ARAP1: variants seen among roughly 807,000 people sequenced by gnomAD.
The protein encoded by ARAP1 is arf-GAP with Rho-GAP domain, ANK repeat and PH domain-containing protein 1.
A neutral mutation model predicts 172.2 loss-of-function variants in ARAP1; 76 were observed. That is an observed-to-expected ratio of 0.44 (90% CI 0.37 to 0.53). The LOEUF (loss-of-function observed/expected upper bound fraction) is 0.53, where lower values mean the gene tolerates loss of function less well. Ranked by LOEUF, ARAP1 falls within the 20% of genes least tolerant of loss-of-function variation. The pLI is 0.00. For missense variants in ARAP1, 1,686 were observed against 1,977.5 expected, an observed-to-expected ratio of 0.85 and a Z score of 2.80; for synonymous variants, 804 against 803.3, an observed-to-expected ratio of 1.00 and a Z score of -0.01.
chr11:72,695,184 A>G lies in ARAP1; in HGVS notation c.3577-87T>C. 6.9e-7 allele frequency: 1 copy of G among 1,451,850 alleles called. No individual in the cohort carries two copies. Among genetic ancestry groups the G allele is most frequent in the Non-Finnish European group, 9.6e-7 (1 of 1,044,872 alleles). The allele number at this position is 1,451,850 out of a possible 1,614,324, so 89.9% of individuals were successfully genotyped here. On this transcript the variant is annotated intron_variant, in intron 26 of 34. Transcript: ENST00000393609. This position sits in a 1 kb window ranked among gnomAD's most constrained non-coding sequence, Gnocchi z 4.4. ...GCTATGTGACTCAGAGCCTGAGCCC[A>G]TCCTTCTCAGGCCCTTCTGGAGTCC... is the stretch of plus-strand genomic sequence containing the variant.
rs571501501 is a variant in ARAP1 at position 72,721,896 on chromosome 11, G to A, written c.509+4724C>T. On this transcript the variant is annotated intron_variant, in intron 3 of 34. Coordinates refer to ENST00000393609, the MANE Select transcript of ARAP1 (RefSeq NM_001040118.3). ...TGGGGCTGAGGACTCCCACAGCTCC[G>A]GCCAGGCGGGCTGCGTATGCCCAAG... 85 of 985,796 alleles carry A rather than the reference G, an allele frequency of 8.6e-5. No homozygotes were observed. In the East Asian group the frequency reaches 1.4e-3, roughly 16 times the overall value. The allele number at this position is 985,796 out of a possible 1,614,324, so 61.1% of individuals were successfully genotyped here.
At chr11:72,746,847 A>G (rs934290112) in intron 1 of ARAP1, among the ~76,000 whole-genome samples, 4 of 152,236 alleles carry the variant, frequency 2.6e-5, no homozygotes, top group East Asian at 1.9e-4. Context: ...TCACTGAGCT[A>G]GAGGCCTGAG....
rs372334680 is a variant in ARAP1, at chr11:72,695,601, G to A, written c.3448C>T (p.Arg1150Trp). 17 of 1,613,874 alleles carry A rather than the reference G, an allele frequency of 1.1e-5. No homozygotes were observed. Among genetic ancestry groups the A allele is most frequent in the Admixed American group, 6.7e-5 (4 of 59,992 alleles). ...TTCACAATGGCAGTGATCTCCTCCC[G>A]CTGCTTCCTGAGCTCTTCCTCATCC... ...SVDEEELRKQ[R>W]EEITAIVKMR... Residue 1150 changes from arginine (R) to tryptophan (W), a missense_variant, in exon 25 of 35, where the codon CGG (arginine) becomes TGG (tryptophan). Physicochemically the swap from Arg to Trp is moderately radical, Grantham distance 101. Around this residue, in one of 5 missense-constraint regions of ARAP1, gnomAD observed 379 missense variants for 500.1 expected, o/e 0.76. Transcript: ENST00000393609. This position sits in a 1 kb window ranked among gnomAD's most constrained non-coding sequence, Gnocchi z 4.4.
chr11:72,728,351 CG>C (rs1857760918), intron 2 of ARAP1, among the ~76,000 whole-genome samples: 1 of 152,142 alleles, frequency 6.6e-6, no homozygotes, highest in Non-Finnish European at 1.5e-5. Flanking sequence ...GAGGCCGAGG[CG>C]GGTGGATTGC....
chr11:72,750,864 G>A (rs935046607), intron 1 of ARAP1, among the ~76,000 whole-genome samples: 5 of 152,340 alleles, frequency 3.3e-5, no homozygotes, highest in Admixed American at 2.0e-4. Context: ...GGGCAGGAAG[G>A]AGGGGCAACA....
Position 72,685,296 on chromosome 11 carries a change from A to C in ARAP1, c.*368T>G, listed in dbSNP as rs919343934. 3.2e-6 allele frequency: 1 copy of C among 308,226 alleles called. No individual in the cohort carries two copies. Among genetic ancestry groups the C allele is most frequent in the Non-Finnish European group, 6.2e-6 (1 of 161,952 alleles). The allele number at this position is 308,226 out of a possible 1,614,324, so 19.1% of individuals were successfully genotyped here. A position where few individuals can be genotyped will look rare whatever the true frequency, so the allele number is the denominator to read the frequency against. ...TGTTCTGGAGTTTGTTGGGAGGAGC[A>C]GGGGGCTCCCTTCCGGCAGGGCCCC... On this transcript the variant is annotated 3_prime_UTR_variant, in exon 35 of 35. Transcript: ENST00000393609.
rs752025963 is a variant in ARAP1, at chr11:72,725,113, G to GC, written c.509+1506dup. Among the ~76,000 whole-genome samples, 16 of 152,118 alleles carry GC rather than the reference G, an allele frequency of 1.1e-4. No individual in the cohort carries two copies. The highest frequency in any genetic ancestry group is 3.3e-4 in the Admixed American group (5 of 15,268). On this transcript the variant is annotated intron_variant, in intron 3 of 34. Coordinates refer to ENST00000393609, the MANE Select transcript of ARAP1 (RefSeq NM_001040118.3). The surrounding 1 kb of genome is among the most constrained non-coding windows in gnomAD (Gnocchi z 4.3). ...TCATCAGAGTCACAAAGCTAGCTGG[G>GC]CCCGACCCAGGCATCCTGCCTCCCA...
At chr11:72,729,951 A>G (rs1421882283) in intron 2 of ARAP1, among the ~76,000 whole-genome samples, 2 of 151,756 alleles carry the variant, frequency 1.3e-5, no homozygotes, top group African/African-American at 4.8e-5. Flanking sequence ...ATCATTTCAG[A>G]GAGGCAAAAG....
chr11:72,714,351 T>G lies in ARAP1; in HGVS notation c.510-30A>C, dbSNP rs779178543. On this transcript the variant is annotated intron_variant, in intron 3 of 34. Transcript: ENST00000393609. ...GAACACAACAAAAGTTGGGCATCAC[T>G]AAGCAACAGAGCCAAGACTGAAACA... The G allele has an allele frequency of 5.8e-6, 9 of 1,539,080 alleles. No individual in the cohort carries two copies. The African/African-American group carries it at 1.1e-4, about 19-fold the overall frequency.
intron 13 of ARAP1, chr11:72,704,719 T>G: frequency 5.0e-6 from 1 of 200,822 alleles, no homozygotes; most frequent in South Asian, 1.0e-4. Flanking sequence ...TGGGCAGGGA[T>G]TTTGGAAACC....
rs150503706 is a variant in ARAP1 at position 72,702,592 on chromosome 11, G to A, written c.2167+313C>T. Among the ~76,000 whole-genome samples the A allele has an allele frequency of 3.1e-3, 474 of 152,326 alleles. 2 individuals carry two copies. The highest frequency in any genetic ancestry group is 5.2e-3 in the Non-Finnish European group (354 of 68,030). On this transcript the variant is annotated intron_variant, in intron 15 of 34. Coordinates refer to ENST00000393609, the MANE Select transcript of ARAP1 (RefSeq NM_001040118.3). ...ACTCTGCACACGCATGTACTCCAAA[G>A]CTCTCAGCATCCCCAGAAACACAAA...
In ARAP1 at chr11:72,685,299, G is replaced by T; in HGVS notation, c.*365C>A. ...TCTGGAGTTTGTTGGGAGGAGCAGG[G>T]GGCTCCCTTCCGGCAGGGCCCCAGG... On this transcript the variant is annotated 3_prime_UTR_variant, in exon 35 of 35. Coordinates refer to ENST00000393609, the MANE Select transcript of ARAP1 (RefSeq NM_001040118.3). The T allele has an allele frequency of 3.2e-6, 1 of 313,378 alleles. No individual in the cohort carries two copies. The highest frequency in any genetic ancestry group is 6.1e-6 in the Non-Finnish European group (1 of 165,264). The allele number at this position is 313,378 out of a possible 1,614,324, so 19.4% of individuals were successfully genotyped here.
At chr11:72,746,423 C>G (rs938641537) in intron 1 of ARAP1, among the ~76,000 whole-genome samples, 20 of 152,362 alleles carry the variant, frequency 1.3e-4, no homozygotes, top group African/African-American at 3.6e-4. Flanking sequence ...CAGCCGTCTG[C>G]ACCAACCAGG....
chr11:72,702,183 C>T (rs907590883), intron 15 of ARAP1, among the ~76,000 whole-genome samples: 1 of 152,212 alleles, frequency 6.6e-6, no homozygotes, highest in Non-Finnish European at 1.5e-5. Flanking sequence ...GACTACAGCC[C>T]TGTTCCCCAC....
At chr11:72,721,937 C>T (rs1591225252) in intron 3 of ARAP1, 4 of 986,526 alleles carry the variant, frequency 4.1e-6, no homozygotes, top group East Asian at 2.2e-4. Context: ...CGTGTACCTG[C>T]CCGTGCAAGC....
intron 30 of ARAP1, among the ~76,000 whole-genome samples, chr11:72,690,023 C>T (rs372582598): frequency 1.3e-5 from 2 of 151,988 alleles, no homozygotes; most frequent in Admixed American, 1.3e-4. Flanking sequence ...AAAAGAGATT[C>T]GGCTGCAGGC....
At chr11:72,713,846 C>CG (rs1857151662) in intron 4 of ARAP1, among the ~76,000 whole-genome samples, 1 of 81,492 alleles carries the variant, frequency 1.2e-5, no homozygotes, top group Non-Finnish European at 2.7e-5. Context: ...GACTCCATCT[C>CG]AAAAAAAAAA....
At chr11:72,688,658 GCCT>G in intron 30 of ARAP1, 121 bp from the exon 31 acceptor site, 1 of 801,092 alleles carries the variant, frequency 1.2e-6, no homozygotes, top group Non-Finnish European at 2.0e-6. Context: ...AGCACAGGGC[GCCT>G]CCTCCAAGAA....
In ARAP1 at chr11:72,699,145, C is replaced by T. The variant is rs1469919349; in HGVS notation, c.2439-38G>A. 1 of 1,601,562 alleles carries T rather than the reference C, an allele frequency of 6.2e-7. No individual in the cohort carries two copies. The highest frequency in any genetic ancestry group is 1.3e-5 in the African/African-American group (1 of 74,712). Reference sequence around the variant, plus strand: ...AGGCCAGGACTCAGGCCCACCTCATCCAGCACGGGCCCACCCCCAACCCGC... The same window carrying T: ...AGGCCAGGACTCAGGCCCACCTCATTCAGCACGGGCCCACCCCCAACCCGC... On this transcript the variant is annotated intron_variant, in intron 17 of 34. Coordinates refer to ENST00000393609, the MANE Select transcript of ARAP1 (RefSeq NM_001040118.3). The surrounding 1 kb of genome is among the most constrained non-coding windows in gnomAD (Gnocchi z 4.2).
Sources: gnomAD v4.1 joint callset for allele counts (sites outside exome capture counted in the v4.1 genomes callset) on GRCh38, gnomAD v4.1.1 for gene constraint, gnomAD v4.1.1 regional missense constraint, Gnocchi (gnomAD v3.1) non-coding constraint, MANE v1.5 for transcripts, NCBI Gene and HGNC (gene_info 2026-07-23, HGNC 2026-07-21) for gene names.